ARHGEF4: variants seen among roughly 807,000 people sequenced by gnomAD.
ARHGEF4 encodes Rho guanine nucleotide exchange factor 4, also known as APC-stimulated guanine nucleotide exchange factor 1.
ARHGEF4 carries 119 observed loss-of-function variants against 162.0 expected under a neutral mutation model. The observed-to-expected ratio is 0.73, with a 90% CI of 0.63 to 0.86. The LOEUF (loss-of-function observed/expected upper bound fraction) is 0.86, where lower values mean the gene tolerates loss of function less well. Among genes scored for constraint, ARHGEF4 ranks in the 40% least tolerant of loss-of-function variants. ARHGEF4 has a pLI of 0.00. For synonymous variants in ARHGEF4, 1,014 were observed against 979.9 expected (o/e 1.03, Z -0.65); for missense variants, 2,488 against 2,456.0 (o/e 1.01, Z -0.28).
At chr2:131,005,367 G>A (rs1017082203) in intron 4 of ARHGEF4, among the ~76,000 whole-genome samples, 6 of 152,130 alleles carry the variant, frequency 3.9e-5, no homozygotes, top group African/African-American at 1.4e-4. Context: ...GACATGGGGT[G>A]TCCCACACAG....
intron 4 of ARHGEF4, among the ~76,000 whole-genome samples, chr2:130,974,206 A>C (rs1276965694): frequency 2.0e-5 from 3 of 150,686 alleles, no homozygotes; most frequent in African/African-American, 7.3e-5. Flanking sequence ...TGGGAGATTG[A>C]GGCTACAGTG....
At chr2:130,947,359 A>T (rs1170725910) in intron 4 of ARHGEF4, 6 of 152,232 alleles carry the variant, frequency 3.9e-5, no homozygotes, top group Admixed American at 3.3e-4. Flanking sequence ...GTGCCACTGC[A>T]TTCCACCCTG....
intron 1 of ARHGEF4, among the ~76,000 whole-genome samples, chr2:130,870,134 C>T (rs113756841): frequency 3.2e-4 from 48 of 152,294 alleles, no homozygotes; most frequent in African/African-American, 8.4e-4. Context: ...CAGAGAAAGA[C>T]GCTGCTGGAG....
At chr2:130,887,525 A>G (rs1679593515) in intron 1 of ARHGEF4, among the ~76,000 whole-genome samples, 1 of 152,026 alleles carries the variant, frequency 6.6e-6, no homozygotes, top group African/African-American at 2.4e-5. Flanking sequence ...GTGTCTTTTA[A>G]TGTCTGCAAC....
rs560849290 is a variant in ARHGEF4 at position 130,985,954 on chromosome 2, G to A, written c.3985+39319G>A. 1.7e-3 allele frequency among the ~76,000 whole-genome samples: 257 copies of A among 151,558 alleles called. 1 individual carries two copies. Among genetic ancestry groups the A allele is most frequent in the Non-Finnish European group, 3.1e-3 (211 of 67,852 alleles). On this transcript the variant is annotated intron_variant, in intron 4 of 13. Coordinates refer to ENST00000409359, the MANE Select transcript of ARHGEF4 (RefSeq NM_001367493.1). ...TGCATGTGTGTGTTGAGTGTTGTGT[G>A]TGTGTGGTGTGCACTGAATGCATAT...
In ARHGEF4 at chr2:130,921,323, G is replaced by A. The variant is rs1016072085; in HGVS notation, c.3552+3825G>A. 5.3e-5 allele frequency among the ~76,000 whole-genome samples: 8 copies of A among 152,096 alleles called. No individual in the cohort carries two copies. The East Asian group carries it at 7.7e-4, about 15-fold the overall frequency. On this transcript the variant is annotated intron_variant, in intron 2 of 13. Coordinates refer to ENST00000409359, the MANE Select transcript of ARHGEF4 (RefSeq NM_001367493.1). ...TCTCATCAGCATGTTGAATTGCTCC[G>A]AATCATCATAACACATTGTATTTCT...
intron 4 of ARHGEF4, among the ~76,000 whole-genome samples, chr2:130,992,278 C>A (rs1256308550): frequency 2.0e-5 from 3 of 152,140 alleles, no homozygotes; most frequent in Non-Finnish European, 4.4e-5. Flanking sequence ...CTAGCACTGG[C>A]AACCTGCTTG....
At chr2:130,988,560 A>G (rs1686675055) in intron 4 of ARHGEF4, among the ~76,000 whole-genome samples, 1 of 152,170 alleles carries the variant, frequency 6.6e-6, no homozygotes. Flanking sequence ...TTTGGTGTGT[A>G]TTGGCTAGCT....
At chr2:130,851,252 A>C (rs539039758) in intron 1 of ARHGEF4, among the ~76,000 whole-genome samples, 21 of 152,268 alleles carry the variant, frequency 1.4e-4, no homozygotes, top group Non-Finnish European at 2.5e-4. Context: ...AATGCAGGGC[A>C]GAGAGGACAC....
At chr2:130,902,916 G>A (rs78330050) in intron 1 of ARHGEF4, among the ~76,000 whole-genome samples, 1 of 15,424 alleles carries the variant, frequency 6.5e-5, no homozygotes, top group African/African-American at 1.4e-4. Context: ...GCCCCACAGG[G>A]GCTCTGTTTT....
At chr2:131,001,302 C>CAAAAAAA (rs70994730) in intron 4 of ARHGEF4, among the ~76,000 whole-genome samples, 4 of 31,160 alleles carry the variant, frequency 1.3e-4, no homozygotes, top group Non-Finnish European at 1.3e-4. Context: ...GACTGTGTCT[C>CAAAAAAA]AAAAAAAAAA....
At chr2:131,019,408 G>A (rs1376633437) in intron 4 of ARHGEF4, among the ~76,000 whole-genome samples, 2 of 150,596 alleles carry the variant, frequency 1.3e-5, no homozygotes, top group Admixed American at 6.6e-5. Context: ...GTGAAACTCT[G>A]TCTCAAAAAA....
chr2:130,840,151 A>G (rs1680505876), intron 1 of ARHGEF4, among the ~76,000 whole-genome samples: 1 of 152,046 alleles, frequency 6.6e-6, no homozygotes, highest in African/African-American at 2.4e-5. Flanking sequence ...ATATGGGCAC[A>G]CACACACACA....
At chr2:131,035,578 G>A in intron 5 of ARHGEF4, 1 of 817,988 alleles carries the variant, frequency 1.2e-6, no homozygotes, top group Admixed American at 5.9e-5. Context: ...TGCTTGTCTG[G>A]AAACGGAGTG....
intron 2 of ARHGEF4, among the ~76,000 whole-genome samples, chr2:130,920,514 T>C (rs888875023): frequency 3.3e-5 from 5 of 152,068 alleles, no homozygotes; most frequent in Non-Finnish European, 5.9e-5. Context: ...AGCAGGTACA[T>C]AGGGAACGGG....
intron 1 of ARHGEF4, among the ~76,000 whole-genome samples, chr2:130,874,347 A>G (rs1678690558): frequency 6.6e-6 from 1 of 152,246 alleles, no homozygotes; most frequent in East Asian, 1.9e-4. Context: ...TGGGGAGCTG[A>G]GGAGCCTTCT....
intron 4 of ARHGEF4, among the ~76,000 whole-genome samples, chr2:130,979,111 CT>C (rs1197349490): frequency 6.6e-6 from 1 of 152,184 alleles, no homozygotes; most frequent in African/African-American, 2.4e-5. Flanking sequence ...TGACAAAAGT[CT>C]TAAGACAGCC....
At chr2:130,903,270 T>C (rs556047018) in intron 1 of ARHGEF4, among the ~76,000 whole-genome samples, 3 of 152,002 alleles carry the variant, frequency 2.0e-5, no homozygotes, top group African/African-American at 7.2e-5. Flanking sequence ...TTTTTCTTTT[T>C]TTTTTCCCCA....
intron 4 of ARHGEF4, among the ~76,000 whole-genome samples, chr2:130,972,013 T>C (rs72996309): frequency 0.022 from 3,325 of 152,310 alleles, 133 homozygotes; most frequent in African/African-American, 0.075. Context: ...TTTATAAGCA[T>C]TGGCTCCATA....
Sources: gnomAD v4.1 joint callset for allele counts (sites outside exome capture counted in the v4.1 genomes callset) on GRCh38, gnomAD v4.1.1 for gene constraint, MANE v1.5 for transcripts, NCBI Gene and HGNC (gene_info 2026-07-23, HGNC 2026-07-21) for gene names.